PRDM16: variants seen among roughly 807,000 people sequenced by gnomAD.
PRDM16 encodes the protein PR/SET domain 16.
In PRDM16, 23 loss-of-function variants were observed where a neutral mutation model predicts 110.6. The ratio of observed to expected loss-of-function variants is 0.21; its 90% confidence interval spans 0.15 to 0.29. PRDM16 has a LOEUF of 0.29. Among genes scored for constraint, PRDM16 ranks in the 10% least tolerant of loss-of-function variants. The probability of loss-of-function intolerance (pLI) is 1.00; values close to 1 mark genes in which losing one functional copy is unlikely to be tolerated. For missense variants in PRDM16, 1,615 were observed against 1,794.3 expected, an observed-to-expected ratio of 0.90 and a Z score of 1.81; for synonymous variants, 799 against 781.8, an observed-to-expected ratio of 1.02 and a Z score of -0.37.
intron 3 of PRDM16, among the ~76,000 whole-genome samples, chr1:3,317,273 T>C (rs1048976883): frequency 1.3e-5 from 2 of 152,136 alleles, no homozygotes; most frequent in Non-Finnish European, 2.9e-5. Flanking sequence ...TTGGAGACCT[T>C]ACTGTCTCTT....
intron 3 of PRDM16, among the ~76,000 whole-genome samples, chr1:3,372,099 C>G (rs930654719): frequency 2.0e-5 from 3 of 152,324 alleles, no homozygotes; most frequent in African/African-American, 7.2e-5. Flanking sequence ...CTGAGGGTGA[C>G]CAGGCCATGA....
intron 1 of PRDM16, among the ~76,000 whole-genome samples, chr1:3,101,164 C>T (rs928747528): frequency 3.9e-5 from 6 of 152,170 alleles, no homozygotes; most frequent in African/African-American, 9.7e-5. Flanking sequence ...GACTGTGCCA[C>T]GATGAGCTCA....
At chr1:3,128,462 T>C (rs886265395) in intron 1 of PRDM16, among the ~76,000 whole-genome samples, 2 of 152,154 alleles carry the variant, frequency 1.3e-5, no homozygotes, top group African/African-American at 4.8e-5. Flanking sequence ...TAGCAGGGCA[T>C]TGAAAACCCT....
intron 14 of PRDM16, among the ~76,000 whole-genome samples, chr1:3,428,338 G>A (rs1325256699): frequency 1.3e-5 from 2 of 151,820 alleles, no homozygotes; most frequent in Non-Finnish European, 2.9e-5. Context: ...GACCCACCAG[G>A]ACAGAAGGCT....
chr1:3,290,017 G>T lies in PRDM16; in HGVS notation c.438+45880G>T, dbSNP rs1050236274. Among the ~76,000 whole-genome samples, 3 of 151,420 alleles carry T rather than the reference G, an allele frequency of 2.0e-5. No homozygotes were observed. The highest frequency in any genetic ancestry group is 7.2e-5 in the African/African-American group (3 of 41,396). On this transcript the variant is annotated intron_variant, in intron 3 of 16. Coordinates refer to ENST00000270722, the MANE Select transcript of PRDM16 (RefSeq NM_022114.4). The surrounding 1 kb of genome is among the most constrained non-coding windows in gnomAD (Gnocchi z 4.8). ...CAGGACCCCACTCCTGCCTGGGGCT[G>T]CCCCTGCTGCTGTGCCTCCCCTGGT...
In PRDM16 at chr1:3,291,542, G is replaced by A. The variant is rs188123085; in HGVS notation, c.438+47405G>A. On this transcript the variant is annotated intron_variant, in intron 3 of 16. Coordinates refer to ENST00000270722, the MANE Select transcript of PRDM16 (RefSeq NM_022114.4). ...CCAGCTCCAGGGGCCCACAGGCCTC[G>A]CAGAACTCAGAGCTCCACACTCCTC... Among the ~76,000 whole-genome samples the A allele has an allele frequency of 1.4e-4, 22 of 152,356 alleles. No individual in the cohort carries two copies. In the South Asian group the frequency reaches 2.5e-3, roughly 17 times the overall value.
chr1:3,348,825 A>C (rs2100529774), intron 3 of PRDM16, among the ~76,000 whole-genome samples: 1 of 152,228 alleles, frequency 6.6e-6, no homozygotes, highest in East Asian at 1.9e-4. Flanking sequence ...AAGAGCTCAG[A>C]GCTTCCCGCA....
chr1:3,255,725 G>A lies in PRDM16; in HGVS notation c.438+11588G>A, dbSNP rs2100232782. 6.6e-6 allele frequency among the ~76,000 whole-genome samples: 1 copy of A among 152,328 alleles called. No individual in the cohort carries two copies. The highest frequency in any genetic ancestry group is 2.1e-4 in the South Asian group (1 of 4,826). ...CCCCTTGGATGCCAGAGCTATCTGG[G>A]AGTTGTGAAATATTCCTGGTGGCAG... On this transcript the variant is annotated intron_variant, in intron 3 of 16. Transcript: ENST00000270722. The surrounding 1 kb of genome is among the most constrained non-coding windows in gnomAD (Gnocchi z 4.7).
At chr1:3,236,876 C>T (rs1438837326) in intron 2 of PRDM16, among the ~76,000 whole-genome samples, 2 of 152,218 alleles carry the variant, frequency 1.3e-5, no homozygotes, top group African/African-American at 4.8e-5. Flanking sequence ...GTACCCAGTG[C>T]GGAGCCCGGC....
At chr1:3,275,521 G>A (rs1459340735) in intron 3 of PRDM16, among the ~76,000 whole-genome samples, 3 of 152,090 alleles carry the variant, frequency 2.0e-5, no homozygotes, top group Non-Finnish European at 2.9e-5. Context: ...TCAGGCACTC[G>A]GCATGCCCCG....
At position 3,208,432 on chromosome 1, in the gene PRDM16, C is replaced by G. The variant is rs1638802415; in HGVS notation, c.387+21958C>G. The G allele has an allele frequency of 6.6e-6, 1 of 152,038 alleles. No homozygotes were observed. The highest frequency in any genetic ancestry group is 1.5e-5 in the Non-Finnish European group (1 of 68,032). The allele number at this position is 152,038 out of a possible 1,614,324, so 9.4% of individuals were successfully genotyped here. A position where few individuals can be genotyped will look rare whatever the true frequency, so the allele number is the denominator to read the frequency against. Reference sequence around the variant, plus strand: ...CCTGTAATCCCAGCACTTTGGCAGGCCAAGGAGGGTGGATCACGAGGTCAG... The same window carrying G: ...CCTGTAATCCCAGCACTTTGGCAGGGCAAGGAGGGTGGATCACGAGGTCAG... On this transcript the variant is annotated intron_variant, in intron 2 of 16. Transcript: ENST00000270722. The surrounding 1 kb of genome is among the most constrained non-coding windows in gnomAD (Gnocchi z 6.1).
chr1:3,307,774 G>C (rs1641347664), intron 3 of PRDM16: 1 of 152,210 alleles, frequency 6.6e-6, no homozygotes, highest in African/African-American at 2.4e-5. Flanking sequence ...CAGGGATCCT[G>C]GTAGTAGCCC....
At chr1:3,181,291 C>T (rs1644170470) in intron 1 of PRDM16, among the ~76,000 whole-genome samples, 1 of 118,782 alleles carries the variant, frequency 8.4e-6, no homozygotes, top group East Asian at 2.3e-4. Flanking sequence ...TGGTCTTACA[C>T]ACGCAGTCTT....
In PRDM16 at chr1:3,390,929, G is replaced by A. The variant is rs899410388; in HGVS notation, c.574-5562G>A. On this transcript the variant is annotated intron_variant, in intron 4 of 16. Transcript: ENST00000270722. The surrounding 1 kb of genome is among the most constrained non-coding windows in gnomAD (Gnocchi z 5.0). ...CGGCTCACTGCAACCTCCGCCTCCCGGGTTCAAGCGATTCTCCTGTCTCAG... is the reference window on the plus strand; with the variant it reads ...CGGCTCACTGCAACCTCCGCCTCCCAGGTTCAAGCGATTCTCCTGTCTCAG... Among the ~76,000 whole-genome samples the A allele has an allele frequency of 7.4e-5, 11 of 149,568 alleles. No homozygotes were observed. Among genetic ancestry groups the A allele is most frequent in the African/African-American group, 2.2e-4 (9 of 40,498 alleles).
At chr1:3,308,261 ACT>A (rs1351667068) in intron 3 of PRDM16, 2 of 151,916 alleles carry the variant, frequency 1.3e-5, no homozygotes, top group Non-Finnish European at 2.9e-5. Context: ...CCCGCTGGAG[ACT>A]CCACGCCACA....
chr1:3,279,533 C>T (rs758322746), intron 3 of PRDM16, among the ~76,000 whole-genome samples: 3 of 152,236 alleles, frequency 2.0e-5, no homozygotes, highest in Non-Finnish European at 2.9e-5. Context: ...CTGCCTCGGC[C>T]GGAGACCCCT....
At chr1:3,183,712 C>T (rs975142557) in intron 1 of PRDM16, among the ~76,000 whole-genome samples, 3 of 152,204 alleles carry the variant, frequency 2.0e-5, no homozygotes, top group Non-Finnish European at 4.4e-5. Flanking sequence ...TTTCCTCCAG[C>T]GGGTCAGGGG....
At chr1:3,296,311 C>T (rs1157505500) in intron 3 of PRDM16, among the ~76,000 whole-genome samples, 4 of 152,246 alleles carry the variant, frequency 2.6e-5, no homozygotes, top group African/African-American at 7.2e-5. Flanking sequence ...GAGAGGTGCT[C>T]AGAGTCGTTA....
At chr1:3,430,579 C>T (rs895138540) in intron 14 of PRDM16, among the ~76,000 whole-genome samples, 9 of 152,258 alleles carry the variant, frequency 5.9e-5, no homozygotes, top group Admixed American at 1.3e-4. Context: ...TCCACCCCAA[C>T]ACCGCCCCGG....
Sources: gnomAD v4.1 joint callset for allele counts (sites outside exome capture counted in the v4.1 genomes callset) on GRCh38, gnomAD v4.1.1 for gene constraint, Gnocchi (gnomAD v3.1) non-coding constraint, MANE v1.5 for transcripts, NCBI Gene and HGNC (gene_info 2026-07-23, HGNC 2026-07-21) for gene names.